FOCAD: variants seen among roughly 807,000 people sequenced by gnomAD.
FOCAD encodes KIAA1797.
FOCAD carries 198 observed loss-of-function variants against 225.6 expected under a neutral mutation model. That is an observed-to-expected ratio of 0.88 (90% CI 0.78 to 0.99). The LOEUF (loss-of-function observed/expected upper bound fraction) is 0.99. Among genes scored for constraint, FOCAD ranks in the 50% least tolerant of loss-of-function variants. The probability of loss-of-function intolerance (pLI) is 0.00; values close to 1 mark genes in which losing one functional copy is unlikely to be tolerated. For synonymous variants in FOCAD, 897 were observed against 755.0 expected, an observed-to-expected ratio of 1.19 and a Z score of -3.08; for missense variants, 2,713 against 2,123.6, an observed-to-expected ratio of 1.28 and a Z score of -5.46.
chr9:20,756,147 T>G (rs1326596791), intron 5 of FOCAD, among the ~76,000 whole-genome samples: 1 of 152,226 alleles, frequency 6.6e-6, no homozygotes, highest in Non-Finnish European at 1.5e-5. Flanking sequence ...ATGAATGATT[T>G]TGATACGATT....
chr9:20,770,705 C>T (rs942898614), intron 8 of FOCAD, among the ~76,000 whole-genome samples: 5 of 152,170 alleles, frequency 3.3e-5, no homozygotes, highest in African/African-American at 1.2e-4. Flanking sequence ...TCAAGTGAGT[C>T]TTTCAATAAC....
rs143814736 is a variant in FOCAD, at chr9:20,758,098, C to G, written c.401C>G (p.Pro134Arg). 1.2e-6 allele frequency: 2 copies of G among 1,604,628 alleles called. No individual in the cohort carries two copies. Among genetic ancestry groups the G allele is most frequent in the South Asian group, 1.1e-5 (1 of 89,046 alleles). ...CTTTCTGTGTCTTTCAGAAATCATC[C>G]TCATCCTTTGATAACTGTGCTTGAA... ...IQSIYTIRNH[P>R]HPLITVLEHR... The change falls in exon 6 of 44, where the codon CCT becomes CGT. Residue 134 changes from proline to arginine, a missense_variant. Coordinates refer to ENST00000338382, the MANE Select transcript of FOCAD (RefSeq NM_001375567.1).
intron 15 of FOCAD, among the ~76,000 whole-genome samples, chr9:20,833,690 G>A (rs2131516096): frequency 6.6e-6 from 1 of 152,076 alleles, no homozygotes; most frequent in Admixed American, 6.6e-5. Context: ...CTTCATATGT[G>A]ATCTCAATTT....
At chr9:20,833,500 A>G (rs1429095760) in intron 15 of FOCAD, among the ~76,000 whole-genome samples, 1 of 152,094 alleles carries the variant, frequency 6.6e-6, no homozygotes, top group Non-Finnish European at 1.5e-5. Context: ...AAGATCTCGC[A>G]GTACCTGGCT....
At chr9:20,710,426 C>T (rs566868467) in intron 1 of FOCAD, among the ~76,000 whole-genome samples, 2 of 151,462 alleles carry the variant, frequency 1.3e-5, no homozygotes, top group East Asian at 1.9e-4. Context: ...TGAAACCCCT[C>T]CTCTACTAAA....
At chr9:20,690,623 G>T (rs767840641) in intron 1 of FOCAD, among the ~76,000 whole-genome samples, 1 of 152,028 alleles carries the variant, frequency 6.6e-6, no homozygotes, top group Non-Finnish European at 1.5e-5. Flanking sequence ...ATCATAGCTC[G>T]CCACAGCCTT....
intron 4 of FOCAD, among the ~76,000 whole-genome samples, chr9:20,728,973 G>A (rs778559102): frequency 3.9e-5 from 6 of 152,072 alleles, no homozygotes; most frequent in Non-Finnish European, 5.9e-5. Flanking sequence ...AGTTCACAGG[G>A]CACCACCTGC....
At chr9:20,944,304 G>A (rs949839899) in intron 28 of FOCAD, among the ~76,000 whole-genome samples, 1 of 152,080 alleles carries the variant, frequency 6.6e-6, no homozygotes, top group African/African-American at 2.4e-5. Context: ...TTTCTGTAAG[G>A]GCACAAATAA....
chr9:20,859,605 TG>T (rs1390658380), intron 15 of FOCAD, among the ~76,000 whole-genome samples: 6 of 149,460 alleles, frequency 4.0e-5, no homozygotes, highest in Admixed American at 1.3e-4. Context: ...TTTTGACTAG[TG>T]TTTTTTTTTC....
At chr9:20,894,271 T>C (rs993710127) in intron 21 of FOCAD, among the ~76,000 whole-genome samples, 16 of 152,152 alleles carry the variant, frequency 1.1e-4, no homozygotes, top group African/African-American at 3.9e-4. Context: ...GATGTATCCA[T>C]TTACCTACAG....
rs533826570 is a variant in FOCAD, at chr9:20,989,667, A to T, written c.5005-456A>T. Among the ~76,000 whole-genome samples, 98 of 152,190 alleles carry T rather than the reference A, an allele frequency of 6.4e-4. 2 individuals are homozygous for T. The highest frequency in any genetic ancestry group is 5.4e-3 in the Admixed American group (83 of 15,290). ...GACCCCATTTCTTAAAACATTTTTT[A>T]AAAAAAATGAAGAAAGACTTGCTCA... On this transcript the variant is annotated intron_variant, in intron 41 of 43. Coordinates refer to ENST00000338382, the MANE Select transcript of FOCAD (RefSeq NM_001375567.1).
intron 10 of FOCAD, among the ~76,000 whole-genome samples, chr9:20,784,963 C>G (rs545820564): frequency 6.6e-6 from 1 of 151,554 alleles, no homozygotes. Flanking sequence ...AGCTGTGTGG[C>G]CTTGGACTAG....
At chr9:20,728,268 TG>T (rs1408277593) in intron 4 of FOCAD, among the ~76,000 whole-genome samples, 2 of 152,192 alleles carry the variant, frequency 1.3e-5, no homozygotes, top group African/African-American at 4.8e-5. Flanking sequence ...TTTTGGATTT[TG>T]GGATATTTGC....
At chr9:20,816,458 C>G (rs1823736912) in intron 11 of FOCAD, among the ~76,000 whole-genome samples, 1 of 152,156 alleles carries the variant, frequency 6.6e-6, no homozygotes, top group African/African-American at 2.4e-5. Flanking sequence ...CTGTTCCAAT[C>G]AAGTCTCTGC....
intron 20 of FOCAD, among the ~76,000 whole-genome samples, chr9:20,884,572 C>T (rs1830948086): frequency 6.6e-6 from 1 of 151,898 alleles, no homozygotes; most frequent in Non-Finnish European, 1.5e-5. Context: ...GCTGGGATTA[C>T]AGGTGTGAGC....
chr9:20,725,285 A>G (rs1277502719), intron 4 of FOCAD, among the ~76,000 whole-genome samples: 3 of 152,170 alleles, frequency 2.0e-5, no homozygotes, highest in East Asian at 1.9e-4. Flanking sequence ...CTTCTCTTTA[A>G]TTAGAGGTTT....
At chr9:20,732,441 G>T (rs1826792587) in intron 4 of FOCAD, among the ~76,000 whole-genome samples, 1 of 152,164 alleles carries the variant, frequency 6.6e-6, no homozygotes, top group South Asian at 2.1e-4. Context: ...GAAGGAGATT[G>T]GCTGTTAAGA....
chr9:20,962,453 T>TACATACATACAC (rs1365402706), intron 35 of FOCAD, among the ~76,000 whole-genome samples: 5 of 151,702 alleles, frequency 3.3e-5, no homozygotes, highest in Admixed American at 6.6e-5. Flanking sequence ...CATACATACA[T>TACATACATACAC]ACACTAGATA....
chr9:20,794,176 A>T (rs1032998176), intron 11 of FOCAD, among the ~76,000 whole-genome samples: 3 of 152,234 alleles, frequency 2.0e-5, no homozygotes, highest in African/African-American at 4.8e-5. Context: ...CAATGTAACT[A>T]ACCAGAGCAT....
Sources: gnomAD v4.1 joint callset for allele counts (sites outside exome capture counted in the v4.1 genomes callset) on GRCh38, gnomAD v4.1.1 for gene constraint, MANE v1.5 for transcripts, NCBI Gene and HGNC (gene_info 2026-07-23, HGNC 2026-07-21) for gene names.